MLLT10: variants seen among roughly 807,000 people sequenced by gnomAD.
MLLT10 encodes the protein MLLT10 histone lysine methyltransferase DOT1L cofactor.
Under a neutral mutation model 129.1 loss-of-function variants are expected in MLLT10, and 30 were observed. That is an observed-to-expected ratio of 0.23 (90% CI 0.17 to 0.32). The LOEUF (loss-of-function observed/expected upper bound fraction) is 0.32, where lower values mean the gene tolerates loss of function less well. Among genes scored for constraint, MLLT10 ranks in the 10% least tolerant of loss-of-function variants. MLLT10 has a pLI of 1.00. For missense variants in MLLT10, 1,119 were observed against 1,268.3 expected, an observed-to-expected ratio of 0.88 and a Z score of 1.79; for synonymous variants, 490 against 446.4, an observed-to-expected ratio of 1.10 and a Z score of -1.23.
chr10:21,740,385 T>A, intron 22 of MLLT10, 149 bp downstream of exon 22: 4 of 807,900 alleles, frequency 5.0e-6, no homozygotes, highest in Non-Finnish European at 3.8e-6. Context: ...GCAAAGGATC[T>A]AAGCCAATTT....
intron 4 of MLLT10, among the ~76,000 whole-genome samples, chr10:21,592,043 A>G (rs1458312010): frequency 2.0e-5 from 3 of 152,024 alleles, no homozygotes; most frequent in Admixed American, 1.3e-4. Context: ...TTAACACGAA[A>G]TGTAGAATGA....
chr10:21,623,874 A>T (rs1226100737), intron 8 of MLLT10, among the ~76,000 whole-genome samples: 1 of 152,324 alleles, frequency 6.6e-6, no homozygotes, highest in East Asian at 1.9e-4. Context: ...GCAGTAACTG[A>T]TAGTGGTTAG....
intron 8 of MLLT10, among the ~76,000 whole-genome samples, chr10:21,641,490 GAAC>G (rs760354555): frequency 6.6e-6 from 1 of 152,112 alleles, no homozygotes; most frequent in Non-Finnish European, 1.5e-5. Flanking sequence ...CTGTATAGAA[GAAC>G]AACAGCAACA....
At chr10:21,568,558 A>G (rs2039847937) in intron 3 of MLLT10, among the ~76,000 whole-genome samples, 3 of 152,106 alleles carry the variant, frequency 2.0e-5, no homozygotes, top group East Asian at 1.9e-4. Context: ...TTCTATTTCA[A>G]TTACTGCTTT....
At chr10:21,646,731 A>G (rs1377324024) in intron 8 of MLLT10, among the ~76,000 whole-genome samples, 2 of 152,182 alleles carry the variant, frequency 1.3e-5, no homozygotes, top group African/African-American at 2.4e-5. Context: ...AGTGAAGATA[A>G]TACTTGTAAG....
At chr10:21,565,860 C>G (rs1313980674) in intron 3 of MLLT10, among the ~76,000 whole-genome samples, 4 of 151,816 alleles carry the variant, frequency 2.6e-5, no homozygotes, top group Admixed American at 6.6e-5. Context: ...CCTGTCATGG[C>G]CTCCCAAACT....
At chr10:21,726,658 C>A (rs955214297) in intron 15 of MLLT10, among the ~76,000 whole-genome samples, 4 of 144,816 alleles carry the variant, frequency 2.8e-5, no homozygotes, top group African/African-American at 7.7e-5. Flanking sequence ...AAATAGTATG[C>A]TGTGCTGCAA....
At chr10:21,586,595 C>A (rs1434935086) in intron 4 of MLLT10, among the ~76,000 whole-genome samples, 1 of 151,990 alleles carries the variant, frequency 6.6e-6, no homozygotes, top group Non-Finnish European at 1.5e-5. Flanking sequence ...AATTTAAATT[C>A]TTATGTTTTT....
At chr10:21,547,661 C>G (rs1456811362) in intron 3 of MLLT10, among the ~76,000 whole-genome samples, 1 of 151,878 alleles carries the variant, frequency 6.6e-6, no homozygotes, top group East Asian at 1.9e-4. Flanking sequence ...GCCTCAGCCT[C>G]TTGAGTAGCT....
chr10:21,723,454 AG>A (rs1268850478), intron 14 of MLLT10, among the ~76,000 whole-genome samples: 1 of 152,234 alleles, frequency 6.6e-6, no homozygotes, highest in East Asian at 1.9e-4. Flanking sequence ...GAAAGCAAAA[AG>A]GTATTCCAAG....
intron 5 of MLLT10, among the ~76,000 whole-genome samples, chr10:21,596,165 A>G (rs911022027): frequency 4.6e-5 from 7 of 152,154 alleles, no homozygotes; most frequent in African/African-American, 1.7e-4. Flanking sequence ...CAGACAAGTA[A>G]ATAAATATAA....
At chr10:21,653,974 A>G (rs990524842) in intron 9 of MLLT10, among the ~76,000 whole-genome samples, 1 of 152,244 alleles carries the variant, frequency 6.6e-6, no homozygotes. Context: ...AGGAGGTACA[A>G]CCGACAAAGG....
At chr10:21,697,286 G>A (rs915328861) in intron 13 of MLLT10, among the ~76,000 whole-genome samples, 2 of 151,892 alleles carry the variant, frequency 1.3e-5, no homozygotes, top group African/African-American at 4.8e-5. Flanking sequence ...GGCCAAAATG[G>A]TGAAACCTGT....
intron 4 of MLLT10, among the ~76,000 whole-genome samples, chr10:21,591,810 A>G (rs561490601): frequency 6.6e-6 from 1 of 150,410 alleles, no homozygotes; most frequent in Admixed American, 6.6e-5. Context: ...TGCAACCTCT[A>G]CCTCCCAGGT....
chr10:21,697,883 A>G (rs1046832281), intron 13 of MLLT10, among the ~76,000 whole-genome samples: 5 of 152,176 alleles, frequency 3.3e-5, no homozygotes, highest in Admixed American at 1.3e-4. Context: ...GTTATTGTGT[A>G]TATTATCCTG....
At chr10:21,649,202 A>G (rs1589426394) in intron 8 of MLLT10, among the ~76,000 whole-genome samples, 1 of 152,206 alleles carries the variant, frequency 6.6e-6, no homozygotes, top group Admixed American at 6.5e-5. Context: ...TGGCCCTCTT[A>G]GTAGCTGGGA....
At chr10:21,688,211 G>A (rs959184314) in intron 13 of MLLT10, among the ~76,000 whole-genome samples, 2 of 152,186 alleles carry the variant, frequency 1.3e-5, no homozygotes, top group African/African-American at 4.8e-5. Flanking sequence ...CAAGAGGGGT[G>A]GAAGCTGAAA....
chr10:21,736,890 A>G (rs771753056), intron 21 of MLLT10, among the ~76,000 whole-genome samples: 39 of 152,206 alleles, frequency 2.6e-4, no homozygotes, highest in Non-Finnish European at 4.1e-4. Context: ...CTCCTAGAGC[A>G]TGAAGACTGA....
intron 13 of MLLT10, among the ~76,000 whole-genome samples, chr10:21,696,139 T>C (rs1020708619): frequency 6.6e-6 from 1 of 152,068 alleles, no homozygotes; most frequent in African/African-American, 2.4e-5. Flanking sequence ...CCGACTCTGC[T>C]AAGGCAGCCT....
Sources: allele counts gnomAD v4.1 joint callset (sites outside exome capture counted in the v4.1 genomes callset), GRCh38; gene constraint gnomAD v4.1.1; transcripts MANE v1.5; gene names NCBI Gene and HGNC (gene_info 2026-07-23, HGNC 2026-07-21).